ABCA13: variants seen among roughly 807,000 people sequenced by gnomAD.
ABCA13 encodes the protein ATP-binding cassette sub-family A member 13.
A neutral mutation model predicts 478.7 loss-of-function variants in ABCA13; 476 were observed. The observed-to-expected ratio is 0.99, with a 90% confidence interval of 0.92 to 1.07. The LOEUF (loss-of-function observed/expected upper bound fraction) is 1.07. Ranked by LOEUF, ABCA13 falls within the 50% of genes least tolerant of loss-of-function variation. The pLI is 0.00. For missense variants in ABCA13, 6,060 were observed against 5,910.6 expected (o/e 1.03, Z -0.83); for synonymous variants, 2,252 against 2,158.9 (o/e 1.04, Z -1.20).
At position 48,276,319 on chromosome 7, in the gene ABCA13, G is replaced by A. The variant is rs775507592; in HGVS notation, c.6653G>A (p.Gly2218Glu). The A allele has an allele frequency of 3.9e-6, 6 of 1,553,160 alleles. No individual in the cohort carries two copies. Among genetic ancestry groups the A allele is most frequent in the Non-Finnish European group, 5.2e-6 (6 of 1,147,858 alleles). Reference sequence around the variant, plus strand: ...ATTAATTTGATCAATAACTTAGCTGGGAATTCTCAGGAAGCAGCTTGGAAC... The same window carrying A: ...ATTAATTTGATCAATAACTTAGCTGAGAATTCTCAGGAAGCAGCTTGGAAC... ...ILINLINNLA[G>E]NSQEAAWNLN... The change falls in exon 17 of 62, where the codon GGG becomes GAG. Residue 2218 changes from glycine to glutamate, a missense_variant. Transcript: ENST00000435803.
intron 59 of ABCA13, among the ~76,000 whole-genome samples, chr7:48,617,499 G>A (rs1473931184): frequency 6.6e-6 from 1 of 152,166 alleles, no homozygotes; most frequent in Non-Finnish European, 1.5e-5. Context: ...AGGGTCCCAG[G>A]CTTGGGCTGG....
At chr7:48,469,733 A>C (rs916832949) in intron 44 of ABCA13, among the ~76,000 whole-genome samples, 5 of 152,110 alleles carry the variant, frequency 3.3e-5, no homozygotes, top group African/African-American at 1.2e-4. Context: ...AGCCTGGCCA[A>C]CATGGTGAAA....
At position 48,246,092 on chromosome 7, in the gene ABCA13, A is replaced by T. The variant is rs1584417965; in HGVS notation, c.1659+62A>T. On this transcript the variant is annotated intron_variant, in intron 13 of 61. Coordinates refer to ENST00000435803, the MANE Select transcript of ABCA13 (RefSeq NM_152701.5). ...AAATTTAAGATTAAATTCACCAAAG[A>T]TGCTAATATTTAACCTGGAGTTTCG... 3.3e-6 allele frequency: 5 copies of T among 1,532,872 alleles called. No homozygotes were observed. The East Asian group carries it at 1.2e-4, about 36-fold the overall frequency. The allele number at this position is 1,532,872 out of a possible 1,614,324, so 95.0% of individuals were successfully genotyped here.
At chr7:48,301,145 G>T (rs116210485) in intron 23 of ABCA13, among the ~76,000 whole-genome samples, 2 of 151,856 alleles carry the variant, frequency 1.3e-5, no homozygotes, top group South Asian at 4.1e-4. Context: ...TTCTCCCCGC[G>T]CCACAAATCT....
intron 19 of ABCA13, among the ~76,000 whole-genome samples, chr7:48,286,515 C>T (rs1797772414): frequency 7.8e-6 from 1 of 128,622 alleles, no homozygotes; most frequent in Admixed American, 7.9e-5. Context: ...TTCCTTCCTT[C>T]CTTTTTTCAG....
Position 48,372,362 on chromosome 7 carries a change from C to A in ABCA13, c.10998C>A (p.Tyr3666Ter). 1.9e-6 allele frequency: 3 copies of A among 1,613,940 alleles called. No individual in the cohort carries two copies. Among genetic ancestry groups the A allele is most frequent in the Non-Finnish European group, 2.5e-6 (3 of 1,179,860 alleles). The change falls in exon 33 of 62, where the codon TAC becomes TAA. Residue 3666 changes from tyrosine (Y) to a stop codon, truncating the protein, a stop_gained. Coordinates refer to ENST00000435803, the MANE Select transcript of ABCA13 (RefSeq NM_152701.5). LOFTEE classifies it high-confidence loss of function. ...GGATGTCAGTCGTCATGCTGAGCTA[C>A]CTCTTGAGTGCATTTTTCAGCCAAG... ...DFGMSVVMLS[Y>*]LLSAFFSQAN...
intron 2 of ABCA13, among the ~76,000 whole-genome samples, chr7:48,195,660 A>G (rs924485163): frequency 5.9e-5 from 9 of 152,176 alleles, no homozygotes; most frequent in African/African-American, 2.2e-4. Context: ...AATCAATCAG[A>G]TTATGAATTT....
chr7:48,627,586 G>C (rs528202968), intron 59 of ABCA13, among the ~76,000 whole-genome samples: 1 of 152,064 alleles, frequency 6.6e-6, no homozygotes, highest in African/African-American at 2.4e-5. Flanking sequence ...ATAATAATAC[G>C]TATTTTATAG....
intron 58 of ABCA13, among the ~76,000 whole-genome samples, chr7:48,603,178 G>A (rs1015636216): frequency 6.6e-6 from 1 of 152,150 alleles, no homozygotes; most frequent in African/African-American, 2.4e-5. Context: ...ACTGCAAGCA[G>A]AGGCAATTTG....
At chr7:48,528,897 T>C (rs1217148325) in intron 55 of ABCA13, among the ~76,000 whole-genome samples, 1 of 152,184 alleles carries the variant, frequency 6.6e-6, no homozygotes, top group Non-Finnish European at 1.5e-5. Context: ...CTGGGCACCC[T>C]GCACACTCAG....
intron 19 of ABCA13, among the ~76,000 whole-genome samples, chr7:48,286,166 C>G (rs1797707224): frequency 6.6e-6 from 1 of 152,170 alleles, no homozygotes; most frequent in Admixed American, 6.5e-5. Flanking sequence ...AATTGATGAA[C>G]CCACACTGAC....
chr7:48,503,228 A>C (rs1830911796), intron 48 of ABCA13, among the ~76,000 whole-genome samples: 1 of 152,190 alleles, frequency 6.6e-6, no homozygotes, highest in African/African-American at 2.4e-5. Context: ...CTGCCACTAC[A>C]GTTGCATGCC....
intron 54 of ABCA13, among the ~76,000 whole-genome samples, chr7:48,525,630 TGA>T (rs1262434767): frequency 6.7e-6 from 1 of 149,156 alleles, no homozygotes; most frequent in Non-Finnish European, 1.5e-5. Flanking sequence ...GCTATTAGGC[TGA>T]GAGGGGAAGC....
chr7:48,427,813 C>T lies in ABCA13; in HGVS notation c.12507C>T (p.Ala4169=), dbSNP rs765189084. The T allele has an allele frequency of 6.5e-5, 104 of 1,612,354 alleles. No homozygotes were observed. The South Asian group carries it at 1.0e-3, about 16-fold the overall frequency. ...LQDSNKKSHI[A]LGTESELQNH... is the part of the protein sequence containing the mutation. ...ATTCCAACAAGAAATCTCACATTGC[C>T]CTGGGGACTGAGTCAGAGCTGCAGA... Residue 4169 remains alanine (A), a synonymous_variant, in exon 42 of 62, where the codon GCC becomes GCT. Transcript: ENST00000435803.
chr7:48,176,817 G>A (rs1794946404), intron 1 of ABCA13, among the ~76,000 whole-genome samples: 2 of 152,106 alleles, frequency 1.3e-5, no homozygotes, highest in African/African-American at 4.8e-5. Flanking sequence ...CCTTTAAGAT[G>A]TAAAGAAACA....
intron 42 of ABCA13, among the ~76,000 whole-genome samples, chr7:48,433,425 G>A (rs975029426): frequency 6.0e-5 from 9 of 149,312 alleles, no homozygotes; most frequent in African/African-American, 1.7e-4. Flanking sequence ...ACTAGCAAAT[G>A]TGTTTTTATA....
chr7:48,192,895 G>A, intron 1 of ABCA13, 64 bp from the exon 2 acceptor site: 1 of 1,272,616 alleles, frequency 7.9e-7, no homozygotes, highest in South Asian at 1.4e-5. Flanking sequence ...TCCTTCAAGA[G>A]ATGAAAATAT....
At chr7:48,453,783 C>T (rs542798451) in intron 42 of ABCA13, among the ~76,000 whole-genome samples, 1 of 152,300 alleles carries the variant, frequency 6.6e-6, no homozygotes, top group South Asian at 2.1e-4. Flanking sequence ...CACTTTGTTA[C>T]AGTGTGCTGG....
rs201853845 is a variant in ABCA13 at position 48,437,035 on chromosome 7, A to G, written c.12565+9164A>G. On this transcript the variant is annotated intron_variant, in intron 42 of 61. Coordinates refer to ENST00000435803, the MANE Select transcript of ABCA13 (RefSeq NM_152701.5). ...TGATCTGTTTATGTCATTTACGTAC[A>G]ATAGTTCTATAGTGTTGTTCAATTC... Among the ~76,000 whole-genome samples the G allele has an allele frequency of 2.5e-4, 38 of 152,100 alleles. No homozygotes were observed. The East Asian group carries it at 7.1e-3, about 29-fold the overall frequency.
Sources: gnomAD v4.1 joint callset for allele counts (sites outside exome capture counted in the v4.1 genomes callset) on GRCh38, gnomAD v4.1.1 for gene constraint, MANE v1.5 for transcripts, NCBI Gene and HGNC (gene_info 2026-07-23, HGNC 2026-07-21) for gene names.